GIMAP6: variants seen among roughly 807,000 people sequenced by gnomAD.
GIMAP6 encodes the protein GTPase IMAP family member 6.
Under a neutral mutation model 9.3 loss-of-function variants are expected in GIMAP6, and 6 were observed. The ratio of observed to expected loss-of-function variants is 0.65; its 90% CI spans 0.35 to 1.27. The LOEUF (loss-of-function observed/expected upper bound fraction) is 1.27, where lower values mean the gene tolerates loss of function less well. Ranked by LOEUF, GIMAP6 falls within the 50% of genes most tolerant of loss-of-function variation. The pLI, the probability that GIMAP6 is intolerant of heterozygous loss-of-function variation, is 0.03. For synonymous variants in GIMAP6, 156 were observed against 151.1 expected (o/e 1.03, Z -0.24); for missense variants, 333 against 359.5 (o/e 0.93, Z 0.60).
chr7:150,630,154 A>G lies in GIMAP6; in HGVS notation c.1-12T>C, dbSNP rs776851668. 1.3e-6 allele frequency: 2 copies of G among 1,516,430 alleles called. No individual in the cohort carries two copies. Among genetic ancestry groups the G allele is most frequent in the African/African-American group, 3.3e-5 (2 of 61,176 alleles). 93.9% of individuals were successfully genotyped at this position (1,516,430 alleles called of 1,614,324 possible). A position where few individuals can be genotyped will look rare whatever the true frequency, so the allele number is the denominator to read the frequency against. ...TCTTCTTCCTCCATCTACAAAAAAA[A>G]AAAAAAAAAAAAAATCATATGTTCT... is the stretch of plus-strand genomic sequence containing the variant. On this transcript the variant is annotated splice_polypyrimidine_tract_variant and intron_variant, in intron 1 of 2. Transcript: ENST00000328902.
intron 1 of GIMAP6, 113 bp from the exon 2 acceptor site, chr7:150,630,255 G>T: frequency 1.3e-6 from 1 of 755,716 alleles, no homozygotes. Context: ...TTTTGCATTA[G>T]TTTAGGGTTG....
At chr7:150,631,076 A>C (rs1244069837) in intron 1 of GIMAP6, among the ~76,000 whole-genome samples, 8 of 152,174 alleles carry the variant, frequency 5.3e-5, no homozygotes, top group African/African-American at 1.9e-4. Context: ...ATCATGTAGG[A>C]CATTCACAAC....
chr7:150,630,015 C>T (rs1274260291), intron 2 of GIMAP6, 43 bp downstream of exon 2: 1 of 1,336,048 alleles, frequency 7.5e-7, no homozygotes, highest in African/African-American at 1.5e-5. Flanking sequence ...CCACCTGCAC[C>T]CCAAATGTTT....
rs369430612 is a variant in GIMAP6, at chr7:150,628,128, T to C, written c.470A>G (p.His157Arg). 15 of 1,614,210 alleles carry C rather than the reference T, an allele frequency of 9.3e-6. No homozygotes were observed. The highest frequency in any genetic ancestry group is 1.3e-5 in the African/African-American group (1 of 75,066). ...CTTCCGGGTGAACACCAGGATGGTG[T>C]GACCCAGAACCCCCACTCCAAAGAC... Reference protein sequence around the residue: ...QEVFGVGVLGHTILVFTRKED... With the variant: ...QEVFGVGVLGRTILVFTRKED... The change falls in exon 3 of 3, where the codon CAC (histidine) becomes CGC (arginine). Residue 157 changes from histidine to arginine, a missense_variant. Coordinates refer to ENST00000328902, the MANE Select transcript of GIMAP6 (RefSeq NM_024711.6).
At chr7:150,629,905 C>T (rs1009123775) in intron 2 of GIMAP6, among the ~76,000 whole-genome samples, 153 bp downstream of exon 2, 14 of 151,974 alleles carry the variant, frequency 9.2e-5, no homozygotes, top group Admixed American at 7.2e-4. Context: ...AAGAAGGGCC[C>T]TACCCCAAAG....
Position 150,630,148 on chromosome 7 carries a change from A to G in GIMAP6, c.1-6T>C, listed in dbSNP as rs758579675. 1 of 226,872 alleles carries G rather than the reference A, an allele frequency of 4.4e-6. No individual in the cohort carries two copies. The highest frequency in any genetic ancestry group is 6.5e-6 in the Non-Finnish European group (1 of 154,614). The allele number at this position is 226,872 out of a possible 1,614,324, so 14.1% of individuals were successfully genotyped here. A position where few individuals can be genotyped will look rare whatever the true frequency, so the allele number is the denominator to read the frequency against. On this transcript the variant is annotated splice_region_variant and splice_polypyrimidine_tract_variant and intron_variant, in intron 1 of 2. Transcript: ENST00000328902. ...TCATATTCTTCTTCCTCCATCTACA[A>G]AAAAAAAAAAAAAAAAAAAATCATA... is the stretch of plus-strand genomic sequence containing the variant.
In GIMAP6 at chr7:150,627,421, G is replaced by C. The variant is rs1796312621; in HGVS notation, c.*298C>G. ...CTCAAGAAACTTTGGTTCTATCAGAGTATAGACAAGTAACTCATGAAAGGC... is the reference window on the plus strand; with the variant it reads ...CTCAAGAAACTTTGGTTCTATCAGACTATAGACAAGTAACTCATGAAAGGC... On this transcript the variant is annotated 3_prime_UTR_variant, in exon 3 of 3. Transcript: ENST00000328902. 1 of 460,108 alleles carries C rather than the reference G, an allele frequency of 2.2e-6. No homozygotes were observed. Among genetic ancestry groups the C allele is most frequent in the Non-Finnish European group, 3.9e-6 (1 of 256,926 alleles). The allele number at this position is 460,108 out of a possible 1,614,324, so 28.5% of individuals were successfully genotyped here.
chr7:150,630,990 C>T lies in GIMAP6; in HGVS notation c.1-848G>A, dbSNP rs150246935. 1.8e-4 allele frequency among the ~76,000 whole-genome samples: 28 copies of T among 152,238 alleles called. No individual in the cohort carries two copies. In the East Asian group the frequency reaches 4.8e-3, roughly 26 times the overall value. ...CTAACACAGTTCTCTGTGCCAAGAT[C>T]CCATAAGGTTCTCTCTGCTGGATTT... On this transcript the variant is annotated intron_variant, in intron 1 of 2. Coordinates refer to ENST00000328902, the MANE Select transcript of GIMAP6 (RefSeq NM_024711.6).
Position 150,628,244 on chromosome 7 carries a change from T to C in GIMAP6, c.354A>G (p.Leu118=). The change falls in exon 3 of 3, where the codon TTA becomes TTG. Residue 118 remains leucine (L), a synonymous_variant. Coordinates refer to ENST00000328902, the MANE Select transcript of GIMAP6 (RefSeq NM_024711.6). ...GCACGGCGTGGGGCCCTGGGGCGGATAAGACGATGGCTTGGCAGATAGCGT... is the reference window on the plus strand; with the variant it reads ...GCACGGCGTGGGGCCCTGGGGCGGACAAGACGATGGCTTGGCAGATAGCGT... The part of the protein sequence containing the change: ...VADAICQAIV[L]SAPGPHAVLL... 6.2e-7 allele frequency: 1 copy of C among 1,614,144 alleles called. No individual in the cohort carries two copies. Among genetic ancestry groups the C allele is most frequent in the South Asian group, 1.1e-5 (1 of 91,084 alleles).
At chr7:150,632,002 A>G (rs1796399265) in intron 1 of GIMAP6, among the ~76,000 whole-genome samples, 167 bp downstream of exon 1, 1 of 151,910 alleles carries the variant, frequency 6.6e-6, no homozygotes, top group Non-Finnish European at 1.5e-5. Context: ...ATATACATAC[A>G]CAACACACAC....
At chr7:150,629,539 C>T (rs576656506) in intron 2 of GIMAP6, among the ~76,000 whole-genome samples, 1 of 152,264 alleles carries the variant, frequency 6.6e-6, no homozygotes, top group South Asian at 2.1e-4. Flanking sequence ...GCGCCTGACC[C>T]TGTGCAATGG....
In GIMAP6 at chr7:150,626,111, T is replaced by C. The variant is rs1164997362; in HGVS notation, c.*1608A>G. 1 of 152,246 alleles carries C rather than the reference T, an allele frequency of 6.6e-6. No individual in the cohort carries two copies. The highest frequency in any genetic ancestry group is 1.5e-5 in the Non-Finnish European group (1 of 68,038). The allele number at this position is 152,246 out of a possible 1,614,324, so 9.4% of individuals were successfully genotyped here. A position where few individuals can be genotyped will look rare whatever the true frequency, so the allele number is the denominator to read the frequency against. ...CTGAAGCTTTCTCAGATGTCTGCTGTGTCTAGGGAAGATGGGGGATGGCTT... is the reference window on the plus strand; with the variant it reads ...CTGAAGCTTTCTCAGATGTCTGCTGCGTCTAGGGAAGATGGGGGATGGCTT... On this transcript the variant is annotated 3_prime_UTR_variant, in exon 3 of 3. Transcript: ENST00000328902.
chr7:150,628,648 A>T, intron 2 of GIMAP6, 136 bp from the exon 3 acceptor site: 2 of 1,587,314 alleles, frequency 1.3e-6, no homozygotes, highest in Non-Finnish European at 1.7e-6. Context: ...CCCTGAAACC[A>T]GCGCTGGGCC....
intron 1 of GIMAP6, among the ~76,000 whole-genome samples, chr7:150,630,942 G>T (rs995517015): frequency 6.6e-6 from 1 of 152,200 alleles, no homozygotes; most frequent in African/African-American, 2.4e-5. Flanking sequence ...TCCCATGACA[G>T]CAATGTGTCC....
chr7:150,629,478 T>A (rs1760466291), intron 2 of GIMAP6, among the ~76,000 whole-genome samples: 1 of 152,208 alleles, frequency 6.6e-6, no homozygotes, highest in Non-Finnish European at 1.5e-5. Context: ...CCAGCATTTG[T>A]AAATCCTGCC....
Position 150,626,908 on chromosome 7 carries a change from T to C in GIMAP6, c.*811A>G, listed in dbSNP as rs1219810317. The C allele has an allele frequency of 6.6e-6, 1 of 152,230 alleles. No individual in the cohort carries two copies. Among genetic ancestry groups the C allele is most frequent in the Non-Finnish European group, 1.5e-5 (1 of 68,072 alleles). 9.4% of individuals were successfully genotyped at this position (152,230 alleles called of 1,614,324 possible). A position where few individuals can be genotyped will look rare whatever the true frequency, so the allele number is the denominator to read the frequency against. Reference sequence around the variant, plus strand: ...AGTAACAGATGCAAGTCATCTCTAATCTAAGTCTACCTTGGTGGGGTGGTG... The same window carrying C: ...AGTAACAGATGCAAGTCATCTCTAACCTAAGTCTACCTTGGTGGGGTGGTG... On this transcript the variant is annotated 3_prime_UTR_variant, in exon 3 of 3. Transcript: ENST00000328902.
rs778716391 is a variant in GIMAP6, at chr7:150,627,731, C to T, written c.867G>A (p.Lys289=). Residue 289 remains lysine (K), a synonymous_variant, in exon 3 of 3, where the codon AAG becomes AAA. Transcript: ENST00000328902. Reference sequence around the variant, plus strand: ...GTCCAGCACAGGCTCAAAGGTCAGCCTTCCCCAGCAGGCATCTGTGGGCTT... The same window carrying T: ...GTCCAGCACAGGCTCAAAGGTCAGCTTTCCCCAGCAGGCATCTGTGGGCTT... ...SEEAHRCLLG[K]ADL is the part of the protein sequence containing the mutation. 38 of 1,613,242 alleles carry T rather than the reference C, an allele frequency of 2.4e-5. No individual in the cohort carries two copies. The highest frequency in any genetic ancestry group is 3.0e-5 in the Non-Finnish European group (35 of 1,179,590).
At chr7:150,628,661 C>A in intron 2 of GIMAP6, 149 bp from the exon 3 acceptor site, 1 of 1,577,656 alleles carries the variant, frequency 6.3e-7, no homozygotes. Context: ...GCTGGGCCAC[C>A]ATTCTGGGCC....
chr7:150,625,467 G>A lies in GIMAP6; in HGVS notation c.*2252C>T, dbSNP rs1024582717. On this transcript the variant is annotated 3_prime_UTR_variant, in exon 3 of 3. Coordinates refer to ENST00000328902, the MANE Select transcript of GIMAP6 (RefSeq NM_024711.6). ...ATGGATCTCATTTGGTCAAATGCTT[G>A]TGTTTTCTATTATGACATTACTTAA... 3 of 152,168 alleles carry A rather than the reference G, an allele frequency of 2.0e-5. No individual in the cohort carries two copies. Among genetic ancestry groups the A allele is most frequent in the East Asian group, 1.9e-4 (1 of 5,194 alleles). The allele number at this position is 152,168 out of a possible 1,614,324, so 9.4% of individuals were successfully genotyped here.
Sources: gnomAD v4.1 joint callset for allele counts (sites outside exome capture counted in the v4.1 genomes callset) on GRCh38, gnomAD v4.1.1 for gene constraint, MANE v1.5 for transcripts, NCBI Gene and HGNC (gene_info 2026-07-23, HGNC 2026-07-21) for gene names.